The following VPS13A variants were observed in gnomAD, a reference collection of about 807,000 sequenced individuals.
VPS13A encodes intermembrane lipid transfer protein VPS13A.
Under a neutral mutation model 390.9 loss-of-function variants are expected in VPS13A, and 264 were observed. The observed-to-expected ratio is 0.68, with a 90% CI of 0.61 to 0.75. The LOEUF (loss-of-function observed/expected upper bound fraction) is 0.75, where lower values mean the gene tolerates loss of function less well. Among genes scored for constraint, VPS13A ranks in the 30% least tolerant of loss-of-function variants. VPS13A has a pLI of 0.00. For missense variants in VPS13A, 3,409 were observed against 3,733.9 expected (o/e 0.91, Z 2.27); for synonymous variants, 1,231 against 1,227.1 (o/e 1.00, Z -0.07).
In VPS13A at chr9:77,339,752, TCAGA is replaced by T; in HGVS notation, c.6619_6622del (p.Thr2207LeufsTer56). 6.2e-7 allele frequency: 1 copy of T among 1,614,076 alleles called. No homozygotes were observed. Among genetic ancestry groups the T allele is most frequent in the Non-Finnish European group, 8.5e-7 (1 of 1,179,986 alleles). Reference sequence around the variant, plus strand: ...CTGTCCATATGACTTACAATACTGGTCAGACAGTTGTGGCATTTCATAGTCCTTA... The same window carrying T: ...CTGTCCATATGACTTACAATACTGGTCAGTTGTGGCATTTCATAGTCCTTA... On this transcript the variant is annotated frameshift_variant, in exon 48 of 72. Transcript: ENST00000360280. LOFTEE classifies it high-confidence loss of function.
At chr9:77,404,681 C>G (rs892037681) in intron 69 of VPS13A, among the ~76,000 whole-genome samples, 2 of 152,190 alleles carry the variant, frequency 1.3e-5, no homozygotes, top group African/African-American at 4.8e-5. Context: ...GGTGCCTTGA[C>G]AGAATAAGGG....
chr9:77,401,603 G>C (rs1305633591), intron 68 of VPS13A, among the ~76,000 whole-genome samples: 1 of 151,782 alleles, frequency 6.6e-6, no homozygotes, highest in Non-Finnish European at 1.5e-5. Context: ...TTGATTACTG[G>C]GTTTTGTGTG....
chr9:77,281,640 T>C (rs1827031031), intron 27 of VPS13A, among the ~76,000 whole-genome samples: 1 of 152,090 alleles, frequency 6.6e-6, no homozygotes, highest in Non-Finnish European at 1.5e-5. Flanking sequence ...GTAACATTTA[T>C]TGAATACTTG....
chr9:77,264,399 T>C (rs1389445496), intron 23 of VPS13A, among the ~76,000 whole-genome samples: 1 of 152,224 alleles, frequency 6.6e-6, no homozygotes, highest in African/African-American at 2.4e-5. Context: ...ATGGCCATTT[T>C]CACAATATTG....
rs1474138105 is a variant in VPS13A, at chr9:77,318,228, C to T, written c.4957-7C>T. On this transcript the variant is annotated splice_region_variant and splice_polypyrimidine_tract_variant and intron_variant, in intron 40 of 71. Transcript: ENST00000360280. The stretch of plus-strand genomic sequence containing the variant: ...TTGTATAGACTTATTAATTTTTTTC[C>T]ATTTAGGTTTCACCAGTTATTATAA... The T allele has an allele frequency of 6.4e-7, 1 of 1,554,786 alleles. No individual in the cohort carries two copies. The highest frequency in any genetic ancestry group is 8.8e-7 in the Non-Finnish European group (1 of 1,139,628).
chr9:77,196,364 A>T (rs1015443868), intron 1 of VPS13A, among the ~76,000 whole-genome samples: 1 of 152,174 alleles, frequency 6.6e-6, no homozygotes, highest in African/African-American at 2.4e-5. Context: ...AGCTATGTTA[A>T]AACATGCAAT....
chr9:77,212,225 C>T (rs533592273), intron 7 of VPS13A, among the ~76,000 whole-genome samples: 1 of 152,204 alleles, frequency 6.6e-6, no homozygotes, highest in South Asian at 2.1e-4. Flanking sequence ...AACTTATAAA[C>T]CCTTTTTAAA....
At chr9:77,390,056 A>G in intron 68 of VPS13A, 1 of 985,316 alleles carries the variant, frequency 1.0e-6, no homozygotes, top group Non-Finnish European at 1.2e-6. Context: ...GAGGAGAATG[A>G]CTACTAATCT....
intron 35 of VPS13A, among the ~76,000 whole-genome samples, chr9:77,309,781 C>A (rs1213950443): frequency 6.6e-6 from 1 of 151,926 alleles, no homozygotes; most frequent in Non-Finnish European, 1.5e-5. Flanking sequence ...AATGAATCTA[C>A]TGAGTTTCCA....
chr9:77,250,618 ATGATAT>A (rs2131268442), intron 21 of VPS13A, among the ~76,000 whole-genome samples: 1 of 152,340 alleles, frequency 6.6e-6, no homozygotes. Context: ...CATATTGAAA[ATGATAT>A]TGGTATTACT....
At chr9:77,257,489 A>C (rs981087294) in intron 22 of VPS13A, among the ~76,000 whole-genome samples, 1 of 152,164 alleles carries the variant, frequency 6.6e-6, no homozygotes, top group African/African-American at 2.4e-5. Context: ...GCATAGTCTT[A>C]TACCTGTAAT....
At chr9:77,205,597 A>G (rs576289279) in intron 4 of VPS13A, among the ~76,000 whole-genome samples, 189 bp downstream of exon 4, 1 of 151,476 alleles carries the variant, frequency 6.6e-6, no homozygotes, top group East Asian at 1.9e-4. Context: ...TTTATTTATT[A>G]TTATTTTTTT....
intron 31 of VPS13A, among the ~76,000 whole-genome samples, chr9:77,288,434 T>C (rs145095170): frequency 2.0e-5 from 3 of 152,368 alleles, no homozygotes; most frequent in African/African-American, 7.2e-5. Flanking sequence ...AGCACTGCTT[T>C]AGCTGCTTCC....
chr9:77,284,973 G>A (rs915830887), intron 31 of VPS13A, among the ~76,000 whole-genome samples: 2 of 151,820 alleles, frequency 1.3e-5, no homozygotes, highest in Admixed American at 1.3e-4. Flanking sequence ...CCAAAATGCT[G>A]GTATTACAAG....
intron 1 of VPS13A, among the ~76,000 whole-genome samples, chr9:77,190,309 G>A (rs1380766349): frequency 6.6e-6 from 1 of 152,140 alleles, no homozygotes; most frequent in Admixed American, 6.5e-5. Context: ...ATGAAGGGAT[G>A]TTGAATTTTA....
Position 77,417,830 on chromosome 9 carries a change from C to G in VPS13A, c.*1824C>G, listed in dbSNP as rs563425210. On this transcript the variant is annotated 3_prime_UTR_variant, in exon 72 of 72. Coordinates refer to ENST00000360280, the MANE Select transcript of VPS13A (RefSeq NM_033305.3). ...CAGCCAGCAGGAGTGGGTCTTGTGA[C>G]TAATCCACATGGAAAGGATAGTGCC... is the stretch of plus-strand genomic sequence containing the variant. 7 of 152,266 alleles carry G rather than the reference C, an allele frequency of 4.6e-5. 1 individual carries two copies. In the South Asian group the frequency reaches 1.0e-3, roughly 23 times the overall value. 9.4% of individuals were successfully genotyped at this position (152,266 alleles called of 1,614,324 possible). A position where few individuals can be genotyped will look rare whatever the true frequency, so the allele number is the denominator to read the frequency against.
chr9:77,240,604 A>T (rs1425700986), intron 19 of VPS13A, among the ~76,000 whole-genome samples: 2 of 148,336 alleles, frequency 1.3e-5, no homozygotes, highest in Non-Finnish European at 3.0e-5. Context: ...CAGCCTTCTG[A>T]GTAGCTTGGA....
At chr9:77,396,482 G>A (rs1257840081) in intron 68 of VPS13A, among the ~76,000 whole-genome samples, 2 of 152,132 alleles carry the variant, frequency 1.3e-5, no homozygotes, top group Admixed American at 6.5e-5. Flanking sequence ...ACTTACCTCA[G>A]ACAAGGTAAG....
Position 77,276,230 on chromosome 9 carries a change from C to T in VPS13A, c.2824+9C>T. The T allele has an allele frequency of 6.3e-7, 1 of 1,581,402 alleles. No homozygotes were observed. The highest frequency in any genetic ancestry group is 8.6e-7 in the Non-Finnish European group (1 of 1,165,496). The stretch of plus-strand genomic sequence containing the variant: ...ATGCCCAGAATACTTGGGTAAGAAT[C>T]TCTATTTTTTAAAATAAATAAATTA... On this transcript the variant is annotated intron_variant, in intron 26 of 71. Transcript: ENST00000360280.
Sources: gnomAD v4.1 joint callset for allele counts (sites outside exome capture counted in the v4.1 genomes callset) on GRCh38, gnomAD v4.1.1 for gene constraint, MANE v1.5 for transcripts, NCBI Gene and HGNC (gene_info 2026-07-23, HGNC 2026-07-21) for gene names.